MAGI3: variants seen among roughly 807,000 people sequenced by gnomAD.
MAGI3 encodes the protein membrane associated guanylate kinase, WW and PDZ domain containing 3.
Under a neutral mutation model 121.8 loss-of-function variants are expected in MAGI3, and 43 were observed. The observed-to-expected ratio is 0.35, with a 90% CI of 0.28 to 0.46. The LOEUF is 0.46. Ranked by LOEUF, MAGI3 falls within the 20% of genes least tolerant of loss-of-function variation. The probability of loss-of-function intolerance (pLI) is 1.00; values close to 1 mark genes in which losing one functional copy is unlikely to be tolerated. For missense variants in MAGI3, 1,547 were observed against 1,797.3 expected, an observed-to-expected ratio of 0.86 and a Z score of 2.52; for synonymous variants, 553 against 639.3, an observed-to-expected ratio of 0.86 and a Z score of 2.04.
chr1:113,600,517 GAC>G (rs1649300678), intron 6 of MAGI3, among the ~76,000 whole-genome samples: 1 of 152,080 alleles, frequency 6.6e-6, no homozygotes, highest in African/African-American at 2.4e-5. Flanking sequence ...ACTTACAAGG[GAC>G]ATGAAGGACC....
At chr1:113,635,290 T>C (rs551978881) in intron 9 of MAGI3, among the ~76,000 whole-genome samples, 1 of 152,352 alleles carries the variant, frequency 6.6e-6, no homozygotes, top group Non-Finnish European at 1.5e-5. Flanking sequence ...AGAGAGGGCA[T>C]CCCTGTCTTG....
At chr1:113,569,311 C>G (rs1051013643) in intron 2 of MAGI3, among the ~76,000 whole-genome samples, 1 of 152,100 alleles carries the variant, frequency 6.6e-6, no homozygotes, top group African/African-American at 2.4e-5. Flanking sequence ...ACTATTTGCC[C>G]TATCTTCATT....
intron 2 of MAGI3, among the ~76,000 whole-genome samples, chr1:113,560,738 G>T (rs1159372682): frequency 6.6e-6 from 1 of 152,044 alleles, no homozygotes; most frequent in East Asian, 1.9e-4. Flanking sequence ...AAACCCCAAA[G>T]CTAGAAGAAG....
At position 113,434,902 on chromosome 1, in the gene MAGI3, T is replaced by A. The variant is rs1459352486; in HGVS notation, c.316+43553T>A. Among the ~76,000 whole-genome samples, 5 of 152,192 alleles carry A rather than the reference T, an allele frequency of 3.3e-5. No individual in the cohort carries two copies. The East Asian group carries it at 7.7e-4, about 23-fold the overall frequency. Reference sequence around the variant, plus strand: ...CATTCTGCTTTTTAGCAAGGCCTTGTTTTTTCATTTTGGCCCCAAACCATT... The same window carrying A: ...CATTCTGCTTTTTAGCAAGGCCTTGATTTTTCATTTTGGCCCCAAACCATT... On this transcript the variant is annotated intron_variant, in intron 1 of 20. Coordinates refer to ENST00000307546, the MANE Select transcript of MAGI3 (RefSeq NM_001142782.2).
chr1:113,463,141 A>C (rs1352122400), intron 1 of MAGI3, among the ~76,000 whole-genome samples: 1 of 152,114 alleles, frequency 6.6e-6, no homozygotes, highest in Non-Finnish European at 1.5e-5. Context: ...CCCAGATAAT[A>C]CCAAGGGATA....
chr1:113,591,485 C>A (rs1053991148), intron 5 of MAGI3, among the ~76,000 whole-genome samples: 1 of 152,100 alleles, frequency 6.6e-6, no homozygotes, highest in Non-Finnish European at 1.5e-5. Flanking sequence ...AGTCTTGAAT[C>A]TGTTTCCTCA....
At chr1:113,492,024 G>T (rs1436749393) in intron 1 of MAGI3, among the ~76,000 whole-genome samples, 1 of 152,060 alleles carries the variant, frequency 6.6e-6, no homozygotes, top group Non-Finnish European at 1.5e-5. Context: ...ATTCTATGAG[G>T]CCAGCATCAT....
rs1054398828 is a variant in MAGI3, at chr1:113,390,776, C to T, written c.-258C>T. 9.6e-6 allele frequency: 2 copies of T among 209,120 alleles called. No individual in the cohort carries two copies. Among genetic ancestry groups the T allele is most frequent in the African/African-American group, 2.3e-5 (1 of 42,700 alleles). The allele number at this position is 209,120 out of a possible 1,614,324, so 13.0% of individuals were successfully genotyped here. On this transcript the variant is annotated 5_prime_UTR_variant, in exon 1 of 21. Transcript: ENST00000307546. ...CCTGGGGACAATTCCCTTTTCCTTT[C>T]TTCAGCCTAACCCGCGGTGGCCCTC...
At chr1:113,414,822 G>A (rs984757927) in intron 1 of MAGI3, among the ~76,000 whole-genome samples, 1 of 151,836 alleles carries the variant, frequency 6.6e-6, no homozygotes, top group African/African-American at 2.4e-5. Context: ...AAAACTGTTT[G>A]GTGGGTTAAT....
chr1:113,657,029 A>C (rs997680938), intron 15 of MAGI3, among the ~76,000 whole-genome samples: 1 of 152,180 alleles, frequency 6.6e-6, no homozygotes, highest in Non-Finnish European at 1.5e-5. Context: ...GATTTCTTTG[A>C]AAAGGGAACA....
intron 16 of MAGI3, among the ~76,000 whole-genome samples, chr1:113,662,102 G>C (rs1055325601): frequency 6.6e-6 from 1 of 152,254 alleles, no homozygotes; most frequent in Non-Finnish European, 1.5e-5. Context: ...GGGCAGCAGA[G>C]CTTCCCATCT....
Position 113,685,342 on chromosome 1 carries a change from C to A in MAGI3, c.*1328C>A, listed in dbSNP as rs1343675193. ...AGTAGCATCTATATAAATAAAGGCA[C>A]CTTCTGAGAATAAAACTATTTTATG... On this transcript the variant is annotated 3_prime_UTR_variant, in exon 21 of 21. Transcript: ENST00000307546. 1 of 152,350 alleles carries A rather than the reference C, an allele frequency of 6.6e-6. No homozygotes were observed. Among genetic ancestry groups the A allele is most frequent in the Non-Finnish European group, 1.5e-5 (1 of 68,032 alleles). The allele number at this position is 152,350 out of a possible 1,614,324, so 9.4% of individuals were successfully genotyped here. A position where few individuals can be genotyped will look rare whatever the true frequency, so the allele number is the denominator to read the frequency against.
At chr1:113,536,162 A>T (rs1482944683) in intron 1 of MAGI3, among the ~76,000 whole-genome samples, 1,693 of 145,664 alleles carry the variant, frequency 0.012, 11 homozygotes, top group African/African-American at 0.021. Context: ...TTTTTTTTAA[A>T]AAAATTTGAT....
intron 7 of MAGI3, among the ~76,000 whole-genome samples, chr1:113,619,260 C>T (rs951053525): frequency 3.2e-4 from 49 of 152,166 alleles, no homozygotes; most frequent in African/African-American, 1.2e-3. Flanking sequence ...TGCTACTGAA[C>T]GGATATAGGT....
chr1:113,428,269 T>C (rs762085452), intron 1 of MAGI3, among the ~76,000 whole-genome samples: 5 of 152,274 alleles, frequency 3.3e-5, no homozygotes, highest in African/African-American at 4.8e-5. Context: ...TTGCTTTGAC[T>C]TTCACATTTA....
chr1:113,585,307 G>A (rs760477673), intron 3 of MAGI3, 80 bp from the exon 4 acceptor site: 4 of 1,311,932 alleles, frequency 3.0e-6, no homozygotes, highest in Non-Finnish European at 4.3e-6. Flanking sequence ...GAAAAACAGG[G>A]CAGAGACATA....
chr1:113,600,638 C>T lies in MAGI3; in HGVS notation c.1018+6078C>T, dbSNP rs530548565. ...GAAGAATCAATATCGTGAAAATGGC[C>T]GTATTGCCCAAGGTAATTTATAGAT... On this transcript the variant is annotated intron_variant, in intron 6 of 20. Transcript: ENST00000307546. 2.2e-3 allele frequency among the ~76,000 whole-genome samples: 333 copies of T among 152,206 alleles called. 2 individuals are homozygous for T. The highest frequency in any genetic ancestry group is 8.3e-3 in the East Asian group (43 of 5,194).
intron 13 of MAGI3, among the ~76,000 whole-genome samples, chr1:113,650,250 A>G (rs1404550010): frequency 3.4e-5 from 5 of 146,328 alleles, no homozygotes; most frequent in Non-Finnish European, 6.0e-5. Context: ...TAGAACAAAT[A>G]CTAGATACTT....
intron 1 of MAGI3, among the ~76,000 whole-genome samples, chr1:113,538,875 G>A (rs1659128659): frequency 6.6e-6 from 1 of 152,160 alleles, no homozygotes; most frequent in Non-Finnish European, 1.5e-5. Context: ...GCTGACCAAA[G>A]AAAAGCCTAC....
Sources: gnomAD v4.1 joint callset for allele counts (sites outside exome capture counted in the v4.1 genomes callset) on GRCh38, gnomAD v4.1.1 for gene constraint, MANE v1.5 for transcripts, NCBI Gene and HGNC (gene_info 2026-07-23, HGNC 2026-07-21) for gene names.